The following CYP7B1 variants were observed in gnomAD, a reference collection of about 807,000 sequenced individuals.
CYP7B1 encodes cytochrome P450 7B1.
CYP7B1 carries 29 observed loss-of-function variants against 42.7 expected under a neutral mutation model. The ratio of observed to expected loss-of-function variants is 0.68; its 90% confidence interval spans 0.51 to 0.93. CYP7B1 has a LOEUF of 0.93. Among genes scored for constraint, CYP7B1 ranks in the 40% least tolerant of loss-of-function variants. The pLI is 0.00. For synonymous variants in CYP7B1, 235 were observed against 218.2 expected, an observed-to-expected ratio of 1.08 and a Z score of -0.68; for missense variants, 655 against 600.5, an observed-to-expected ratio of 1.09 and a Z score of -0.95.
intron 1 of CYP7B1, among the ~76,000 whole-genome samples, chr8:64,692,868 A>G (rs778017027): frequency 2.0e-5 from 3 of 152,194 alleles, no homozygotes; most frequent in African/African-American, 4.8e-5. Flanking sequence ...CTCGAGCCAC[A>G]TGTAACTCTT....
chr8:64,643,184 T>TATATACATATATACATATATATAC (rs1563374423), intron 1 of CYP7B1, among the ~76,000 whole-genome samples: 9 of 38,196 alleles, frequency 2.4e-4, no homozygotes, highest in East Asian at 6.8e-4. Flanking sequence ...TATATATACA[T>TATATACATATATACATATATATAC]ATATATATAC....
At chr8:64,763,359 G>A (rs2129633767) in intron 1 of CYP7B1, among the ~76,000 whole-genome samples, 1 of 152,274 alleles carries the variant, frequency 6.6e-6, no homozygotes, top group South Asian at 2.1e-4. Context: ...TGGAATCCAT[G>A]AGGCCAAGAA....
At chr8:64,670,680 A>C (rs1196979682) in intron 1 of CYP7B1, among the ~76,000 whole-genome samples, 1 of 152,196 alleles carries the variant, frequency 6.6e-6, no homozygotes, top group Non-Finnish European at 1.5e-5. Flanking sequence ...CTGCAGAGAC[A>C]AACTGAACCA....
rs116347615 is a variant in CYP7B1, at chr8:64,693,817, G to C, written c.123-69278C>G. 2.8e-3 allele frequency among the ~76,000 whole-genome samples: 434 copies of C among 152,294 alleles called. 5 individuals are homozygous for C. The highest frequency in any genetic ancestry group is 0.01 in the African/African-American group (416 of 41,566). ...GCTGGTCTCCAAAGCCCACTGACTA[G>C]TTAACTTGATCTTCCTAGCAACCAA... On this transcript the variant is annotated intron_variant, in intron 1 of 5. Transcript: ENST00000310193.
chr8:64,587,097 G>A (rs1375848203), downstream of CYP7B1, among the ~76,000 whole-genome samples: 1 of 152,220 alleles, frequency 6.6e-6, no homozygotes, highest in African/African-American at 2.4e-5. Context: ...GGATAACGAG[G>A]AGAGTGTTTG....
chr8:64,678,125 C>T (rs140132213), intron 1 of CYP7B1, among the ~76,000 whole-genome samples: 1 of 152,240 alleles, frequency 6.6e-6, no homozygotes, highest in East Asian at 1.9e-4. Context: ...CATTTCACCC[C>T]AACTTGTCTT....
intron 1 of CYP7B1, among the ~76,000 whole-genome samples, chr8:64,757,492 C>T (rs146837491): frequency 1.4e-4 from 21 of 152,274 alleles, no homozygotes; most frequent in African/African-American, 5.1e-4. Context: ...ATTAGTATTT[C>T]CCTAGCATGT....
In CYP7B1 at chr8:64,671,878, C is replaced by A. The variant is rs1481540896; in HGVS notation, c.123-47339G>T. ...TTTTCCAGGGGAAAACTAAAAATCA[C>A]TTAAATAACATCACTAGTCAAAAGC... On this transcript the variant is annotated intron_variant, in intron 1 of 5. Coordinates refer to ENST00000310193, the MANE Select transcript of CYP7B1 (RefSeq NM_004820.5). 2.0e-5 allele frequency among the ~76,000 whole-genome samples: 3 copies of A among 152,202 alleles called. No homozygotes were observed. The East Asian group carries it at 5.8e-4, about 29-fold the overall frequency.
chr8:64,591,678 G>A lies in CYP7B1; in HGVS notation c.*4964C>T, dbSNP rs1805034828. Among the ~76,000 whole-genome samples, 1 of 152,136 alleles carries A rather than the reference G, an allele frequency of 6.6e-6. No homozygotes were observed. Among genetic ancestry groups the A allele is most frequent in the African/African-American group, 2.4e-5 (1 of 41,424 alleles). Reference sequence around the variant, plus strand: ...TAATTATAAAATGGAGATGAAGTAAGGAAGTATGCCAGGAAAGCCAAAACA... The same window carrying A: ...TAATTATAAAATGGAGATGAAGTAAAGAAGTATGCCAGGAAAGCCAAAACA... On this transcript the variant is annotated 3_prime_UTR_variant, in exon 6 of 6. Coordinates refer to ENST00000310193, the MANE Select transcript of CYP7B1 (RefSeq NM_004820.5).
chr8:64,720,613 G>A (rs1161028434), intron 1 of CYP7B1, among the ~76,000 whole-genome samples: 1 of 152,022 alleles, frequency 6.6e-6, no homozygotes, highest in Non-Finnish European at 1.5e-5. Flanking sequence ...AGGAAATTAA[G>A]CTCTTTAAGG....
chr8:64,682,392 C>A (rs987468334), intron 1 of CYP7B1, among the ~76,000 whole-genome samples: 1 of 152,148 alleles, frequency 6.6e-6, no homozygotes, highest in East Asian at 1.9e-4. Flanking sequence ...AGTGCCTAAC[C>A]AAAAGGCGCT....
intron 1 of CYP7B1, among the ~76,000 whole-genome samples, chr8:64,669,446 G>A (rs1806332370): frequency 6.6e-6 from 1 of 152,020 alleles, no homozygotes; most frequent in Non-Finnish European, 1.5e-5. Flanking sequence ...GGCAGGGGCA[G>A]GGGCAGGAAA....
intron 1 of CYP7B1, among the ~76,000 whole-genome samples, chr8:64,677,884 G>C (rs986588617): frequency 5.3e-5 from 8 of 151,938 alleles, no homozygotes; most frequent in African/African-American, 1.9e-4. Flanking sequence ...TTATTACTGA[G>C]GAGTCAGATT....
intron 1 of CYP7B1, among the ~76,000 whole-genome samples, chr8:64,771,700 T>G (rs573837182): frequency 2.6e-5 from 4 of 152,274 alleles, no homozygotes; most frequent in Admixed American, 2.0e-4. Flanking sequence ...CAGCTTAAAT[T>G]CCATGGCCAA....
chr8:64,740,894 T>C (rs1349067315), intron 1 of CYP7B1, among the ~76,000 whole-genome samples: 1 of 152,120 alleles, frequency 6.6e-6, no homozygotes, highest in Non-Finnish European at 1.5e-5. Flanking sequence ...CAGGACCAGA[T>C]GATATAAATG....
At chr8:64,633,694 A>G (rs1233006865) in intron 1 of CYP7B1, among the ~76,000 whole-genome samples, 1 of 152,196 alleles carries the variant, frequency 6.6e-6, no homozygotes, top group African/African-American at 2.4e-5. Context: ...GTCAGTTCTC[A>G]ACTTGATTTA....
At chr8:64,767,269 T>G (rs1326567193) in intron 1 of CYP7B1, among the ~76,000 whole-genome samples, 5 of 152,202 alleles carry the variant, frequency 3.3e-5, no homozygotes. Context: ...AGGAGATTAT[T>G]ATTGGCAGTA....
intron 1 of CYP7B1, 42 bp downstream of exon 1, chr8:64,798,424 G>T (rs1185825003): frequency 1.4e-6 from 2 of 1,462,742 alleles, no homozygotes; most frequent in East Asian, 2.8e-5. Flanking sequence ...GCGGCCCGCG[G>T]GGCCCAGGGC....
chr8:64,614,971 A>G, intron 4 of CYP7B1, 55 bp downstream of exon 4: 1 of 1,580,402 alleles, frequency 6.3e-7, no homozygotes, highest in Non-Finnish European at 8.7e-7. Flanking sequence ...TGAGTGATAA[A>G]CCGAGTTTGC....
Sources: allele counts gnomAD v4.1 joint callset (sites outside exome capture counted in the v4.1 genomes callset), GRCh38; gene constraint gnomAD v4.1.1; transcripts MANE v1.5; gene names NCBI Gene and HGNC (gene_info 2026-07-23, HGNC 2026-07-21).